The following PDP2 variants were observed in gnomAD, a reference collection of about 807,000 sequenced individuals.
The protein encoded by PDP2 is [Pyruvate dehydrogenase [acetyl-transferring]]-phosphatase 2, mitochondrial.
Under a neutral mutation model 34.2 loss-of-function variants are expected in PDP2, and 23 were observed. The ratio of observed to expected loss-of-function variants is 0.67; its 90% confidence interval spans 0.48 to 0.95. The LOEUF (loss-of-function observed/expected upper bound fraction) is 0.95, where lower values mean the gene tolerates loss of function less well. Ranked by LOEUF, PDP2 falls within the 40% of genes least tolerant of loss-of-function variation. PDP2 has a pLI of 0.00. For synonymous variants in PDP2, 275 were observed against 269.2 expected (o/e 1.02, Z -0.21); for missense variants, 571 against 659.6 (o/e 0.87, Z 1.47).
At position 66,884,632 on chromosome 16, in the gene PDP2, C is replaced by G; in HGVS notation, c.348C>G (p.Ala116=). Residue 116 remains alanine, a synonymous_variant, in exon 2 of 2, where the codon GCC becomes GCG. Transcript: ENST00000311765. ...GGTTTGAGAGCAACCAGCTGGCTGC[C>G]AATTCCCCAGTGGAGGACCGGCGAG... ...VLRFESNQLA[A]NSPVEDRRGV... is the part of the protein sequence containing the mutation. The G allele has an allele frequency of 6.2e-7, 1 of 1,614,250 alleles. No individual in the cohort carries two copies. The highest frequency in any genetic ancestry group is 8.5e-7 in the Non-Finnish European group (1 of 1,180,044).
Position 66,885,564 on chromosome 16 carries a change from T to G in PDP2, c.1280T>G (p.Val427Gly), listed in dbSNP as rs761119650. Residue 427 changes from valine to glycine, a missense_variant, in exon 2 of 2, where the codon GTG (valine) becomes GGG (glycine). Val to Gly is a moderately radical substitution (Grantham distance 109, BLOSUM62 -3). Around this residue, in one of 2 missense-constraint regions of PDP2, gnomAD observed 281 missense variants for 375.8 expected, o/e 0.75. Transcript: ENST00000311765. The surrounding 1 kb of genome is among the most constrained non-coding windows in gnomAD (Gnocchi z 4.6). ...MLSNEDVVRL[V>G]VGHLAEADWH... The stretch of plus-strand genomic sequence containing the variant: ...AGCAATGAGGACGTGGTAAGGCTGG[T>G]GGTGGGGCACCTGGCTGAGGCAGAT... 5 of 1,614,074 alleles carry G rather than the reference T, an allele frequency of 3.1e-6. No homozygotes were observed. The Admixed American group carries it at 8.3e-5, about 27-fold the overall frequency.
In PDP2 at chr16:66,884,896, G is replaced by T; in HGVS notation, c.612G>T (p.Val204=). The change falls in exon 2 of 2, where the codon GTG becomes GTT. Residue 204 remains valine (V), a synonymous_variant. Transcript: ENST00000311765. ...GTATCTACAAGGATGTCACATCTGT[G>T]CATCTTGACCACCTCCGTGTCTATT... ...GDSIYKDVTS[V]HLDHLRVYWQ... is the part of the protein sequence containing the mutation. 1 of 1,614,096 alleles carries T rather than the reference G, an allele frequency of 6.2e-7. No homozygotes were observed. The highest frequency in any genetic ancestry group is 8.5e-7 in the Non-Finnish European group (1 of 1,180,032).
chr16:66,881,711 G>C (rs1961524869), intron 1 of PDP2, among the ~76,000 whole-genome samples: 1 of 152,038 alleles, frequency 6.6e-6, no homozygotes, highest in Non-Finnish European at 1.5e-5. Context: ...AGACAGATCT[G>C]GCTCTGTCGC....
At chr16:66,883,024 CT>C (rs1330457207) in intron 1 of PDP2, 3 of 152,248 alleles carry the variant, frequency 2.0e-5, no homozygotes, top group Non-Finnish European at 4.4e-5. Flanking sequence ...GAAACCAGGT[CT>C]CCTTATGTTG....
rs573437598 is a variant in PDP2, at chr16:66,887,413, C to T, written c.*1539C>T. 2 of 167,152 alleles carry T rather than the reference C, an allele frequency of 1.2e-5. No homozygotes were observed. Among genetic ancestry groups the T allele is most frequent in the South Asian group, 4.1e-4 (2 of 4,822 alleles). The allele number at this position is 167,152 out of a possible 1,614,324, so 10.4% of individuals were successfully genotyped here. A position where few individuals can be genotyped will look rare whatever the true frequency, so the allele number is the denominator to read the frequency against. ...AGAATTCTTCAATTAAGTTGAACTA[C>T]ATTTGTTGATCCCTTTTCTCATCTT... On this transcript the variant is annotated 3_prime_UTR_variant, in exon 2 of 2. Transcript: ENST00000311765.
intron 1 of PDP2, among the ~76,000 whole-genome samples, chr16:66,883,269 A>C (rs1961594850): frequency 1.3e-5 from 2 of 152,126 alleles, no homozygotes; most frequent in Non-Finnish European, 2.9e-5. Flanking sequence ...AGTAGCTGGG[A>C]CTACAGGCGC....
chr16:66,890,679 G>C lies in PDP2; in HGVS notation c.*4805G>C, dbSNP rs1397031826. The C allele has an allele frequency of 6.6e-6, 1 of 152,192 alleles. No individual in the cohort carries two copies. Among genetic ancestry groups the C allele is most frequent in the East Asian group, 1.9e-4 (1 of 5,206 alleles). 9.4% of individuals were successfully genotyped at this position (152,192 alleles called of 1,614,324 possible). A position where few individuals can be genotyped will look rare whatever the true frequency, so the allele number is the denominator to read the frequency against. On this transcript the variant is annotated 3_prime_UTR_variant, in exon 2 of 2. Transcript: ENST00000311765. ...CCTTTGGGAAGTCTTAACTTCCCAG[G>C]TTAAACTAGAATATTCTGGAACTGA...
chr16:66,891,035 G>A lies in PDP2; in HGVS notation c.*5161G>A, dbSNP rs183882031. ...TATTTTAAGCTGTATACCAATGTTC[G>A]TATTTGACATTGATTTTCTAACCAT... On this transcript the variant is annotated 3_prime_UTR_variant, in exon 2 of 2. Transcript: ENST00000311765. 6.1e-4 allele frequency: 93 copies of A among 152,182 alleles called. No individual in the cohort carries two copies. Among genetic ancestry groups the A allele is most frequent in the African/African-American group, 1.9e-3 (77 of 41,528 alleles). 9.4% of individuals were successfully genotyped at this position (152,182 alleles called of 1,614,324 possible).
In PDP2 at chr16:66,885,554, G is replaced by A; in HGVS notation, c.1270G>A (p.Val424Ile). Reference sequence around the variant, plus strand: ...GGACATGCTGAGCAATGAGGACGTGGTAAGGCTGGTGGTGGGGCACCTGGC... The same window carrying A: ...GGACATGCTGAGCAATGAGGACGTGATAAGGCTGGTGGTGGGGCACCTGGC... The part of the protein sequence containing the change: ...LWDMLSNEDV[V>I]RLVVGHLAEA... The change falls in exon 2 of 2, where the codon GTA becomes ATA. Residue 424 changes from valine to isoleucine, a missense_variant. This residue lies in a region of PDP2 where 281 missense variants were observed against 375.8 expected (regional missense o/e 0.75). Transcript: ENST00000311765. This position sits in a 1 kb window ranked among gnomAD's most constrained non-coding sequence, Gnocchi z 4.6. 1.2e-6 allele frequency: 2 copies of A among 1,614,094 alleles called. No homozygotes were observed. The highest frequency in any genetic ancestry group is 1.7e-6 in the Non-Finnish European group (2 of 1,180,034).
chr16:66,881,183 G>T (rs1237560120), intron 1 of PDP2, among the ~76,000 whole-genome samples: 2 of 152,166 alleles, frequency 1.3e-5, no homozygotes, highest in Admixed American at 1.3e-4. Flanking sequence ...TGGCTGCGGT[G>T]TATCACCCTG....
chr16:66,881,496 GCTAGT>G (rs1473498611), intron 1 of PDP2, among the ~76,000 whole-genome samples: 1 of 150,992 alleles, frequency 6.6e-6, no homozygotes, highest in African/African-American at 2.5e-5. Context: ...TACCACCAGG[GCTAGT>G]GAAGGGACTA....
Position 66,885,715 on chromosome 16 carries a change from T to C in PDP2, c.1431T>C (p.His477=). Residue 477 remains histidine, a synonymous_variant, in exon 2 of 2, where the codon CAT becomes CAC. Coordinates refer to ENST00000311765, the MANE Select transcript of PDP2 (RefSeq NM_020786.4). The surrounding 1 kb of genome is among the most constrained non-coding windows in gnomAD (Gnocchi z 4.6). The stretch of plus-strand genomic sequence containing the variant: ...ATGCAGCCACGCGGCTGATCAGACA[T>C]GCCATCGGGAACAATGAGTATGGGG... ...DQNAATRLIR[H]AIGNNEYGEM... The C allele has an allele frequency of 6.2e-7, 1 of 1,613,900 alleles. No individual in the cohort carries two copies. The highest frequency in any genetic ancestry group is 8.5e-7 in the Non-Finnish European group (1 of 1,180,006).
intron 1 of PDP2, among the ~76,000 whole-genome samples, chr16:66,882,451 A>C (rs1427990386): frequency 7.5e-6 from 1 of 133,510 alleles, no homozygotes; most frequent in Non-Finnish European, 1.5e-5. Context: ...AAAACAAAAC[A>C]AAAAAAAACC....
Position 66,884,551 on chromosome 16 carries a change from C to G in PDP2, c.267C>G (p.Gly89=). The G allele has an allele frequency of 6.2e-7, 1 of 1,614,170 alleles. No individual in the cohort carries two copies. The highest frequency in any genetic ancestry group is 1.1e-5 in the South Asian group (1 of 91,076). ...PEQINEVLRA[G]ETTHKILDLE... ...AGATAAATGAAGTGCTTCGAGCTGG[C>G]GAGACAACCCACAAGATTCTTGACC... The change falls in exon 2 of 2, where the codon GGC becomes GGG. Residue 89 remains glycine (G), a synonymous_variant. Transcript: ENST00000311765.
intron 1 of PDP2, among the ~76,000 whole-genome samples, chr16:66,881,428 T>TTTTAATTTAA (rs57764227): frequency 0.049 from 5,801 of 119,122 alleles, 214 homozygotes; most frequent in African/African-American, 0.16. Flanking sequence ...GTTTTTTTTT[T>TTTTAATTTAA]TTTAATTTAA....
chr16:66,884,541 T>C lies in PDP2; in HGVS notation c.257T>C (p.Leu86Pro). 6.2e-7 allele frequency: 1 copy of C among 1,614,222 alleles called. No individual in the cohort carries two copies. ...QLSPEQINEV[L>P]RAGETTHKIL... ...AGCCCTGAGCAGATAAATGAAGTGC[T>C]TCGAGCTGGCGAGACAACCCACAAG... Residue 86 changes from leucine to proline, a missense_variant, in exon 2 of 2, where the codon CTT (leucine) becomes CCT (proline). Leu to Pro is a moderately conservative substitution (Grantham distance 98). This residue lies in a region of PDP2 where 290 missense variants were observed against 283.8 expected (regional missense o/e 1.02). Transcript: ENST00000311765.
rs564744881 is a variant in PDP2, at chr16:66,887,173, A to T, written c.*1299A>T. On this transcript the variant is annotated 3_prime_UTR_variant, in exon 2 of 2. Transcript: ENST00000311765. ...GGAATTAGACCATATTTAGTATAGG[A>T]GTTGGGGCAAAAATAAAAGTGTAAT... The T allele has an allele frequency of 1.8e-5, 3 of 167,016 alleles. No homozygotes were observed. The highest frequency in any genetic ancestry group is 4.4e-5 in the Non-Finnish European group (3 of 68,120). The allele number at this position is 167,016 out of a possible 1,614,324, so 10.3% of individuals were successfully genotyped here. A position where few individuals can be genotyped will look rare whatever the true frequency, so the allele number is the denominator to read the frequency against.
rs1385084645 is a variant in PDP2, at chr16:66,884,441, C to T, written c.157C>T (p.Pro53Ser). The T allele has an allele frequency of 1.9e-6, 3 of 1,614,144 alleles. No homozygotes were observed. The highest frequency in any genetic ancestry group is 4.5e-5 in the East Asian group (2 of 44,874). The change falls in exon 2 of 2, where the codon CCA becomes TCA. Residue 53 changes from proline to serine, a missense_variant. Around this residue, in one of 2 missense-constraint regions of PDP2, gnomAD observed 290 missense variants for 283.8 expected, o/e 1.02. Transcript: ENST00000311765. ...GGTGCCACCCACCCTAAACAGTTCC[C>T]CATGTGGTGGCTTTACTCTGTGCAA... The part of the protein sequence containing the change: ...SRVPPTLNSS[P>S]CGGFTLCKAY...
rs1361678984 is a variant in PDP2, at chr16:66,885,992, A to C, written c.*118A>C. On this transcript the variant is annotated 3_prime_UTR_variant, in exon 2 of 2. Transcript: ENST00000311765. The surrounding 1 kb of genome is among the most constrained non-coding windows in gnomAD (Gnocchi z 4.6). ...AGCGCAGGCAGATTTAATTTGCTAA[A>C]TAGACTAACAGGAGGAAAAAAACAA... The C allele has an allele frequency of 1.0e-4, 104 of 1,040,038 alleles. No individual in the cohort carries two copies. The highest frequency in any genetic ancestry group is 1.4e-4 in the Non-Finnish European group (97 of 707,006). 64.4% of individuals were successfully genotyped at this position (1,040,038 alleles called of 1,614,324 possible).
Sources: allele counts gnomAD v4.1 joint callset (sites outside exome capture counted in the v4.1 genomes callset), GRCh38; gene constraint gnomAD v4.1.1; regional missense constraint gnomAD v4.1.1; non-coding constraint Gnocchi (gnomAD v3.1); transcripts MANE v1.5; gene names NCBI Gene and HGNC (gene_info 2026-07-23, HGNC 2026-07-21).